The following WIPF1 variants were observed in gnomAD, a reference collection of about 807,000 sequenced individuals.
WIPF1 encodes the protein WAS/WASL interacting protein family member 1, also known as WAS/WASL-interacting protein family member 1.
Under a neutral mutation model 35.4 loss-of-function variants are expected in WIPF1, and 13 were observed. The ratio of observed to expected loss-of-function variants is 0.37; its 90% CI spans 0.24 to 0.58. WIPF1 has a LOEUF of 0.58. Ranked by LOEUF, WIPF1 falls within the 20% of genes least tolerant of loss-of-function variation. The probability of loss-of-function intolerance (pLI) is 0.74; values close to 1 mark genes in which losing one functional copy is unlikely to be tolerated. For missense variants in WIPF1, 591 were observed against 667.0 expected, an observed-to-expected ratio of 0.89 and a Z score of 1.25; for synonymous variants, 267 against 266.3, an observed-to-expected ratio of 1.00 and a Z score of -0.02.
At chr2:174,609,209 A>G (rs559614218) in intron 1 of WIPF1, among the ~76,000 whole-genome samples, 1 of 152,340 alleles carries the variant, frequency 6.6e-6, no homozygotes, top group East Asian at 1.9e-4. Flanking sequence ...CAGGACCTTC[A>G]AAGGTCCTGT....
At chr2:174,664,137 T>A (rs893487002) in intron 1 of WIPF1, among the ~76,000 whole-genome samples, 6 of 151,086 alleles carry the variant, frequency 4.0e-5, no homozygotes, top group Admixed American at 6.6e-5. Flanking sequence ...TCCCTCTCTC[T>A]CACACACACA....
Position 174,585,476 on chromosome 2 carries a change from T to C in WIPF1, c.51+47A>G, listed in dbSNP as rs758440811. On this transcript the variant is annotated intron_variant, in intron 2 of 7. Transcript: ENST00000679041. ...ACATGCACGCCAGGTTTTGGCTTCA[T>C]TTGGCTTGCTTTATGCATAGAAAGT... The C allele has an allele frequency of 8.8e-6, 14 of 1,598,616 alleles. No individual in the cohort carries two copies. The South Asian group carries it at 1.1e-4, about 13-fold the overall frequency.
chr2:174,575,284 C>G lies in WIPF1; in HGVS notation c.278G>C (p.Gly93Ala), dbSNP rs1167172958. ...TCCCAGACCTGGAGGTCCGCCCCCTCCAAAACTTCCACCGCCTCCGCCACC... is the reference window on the plus strand; with the variant it reads ...TCCCAGACCTGGAGGTCCGCCCCCTGCAAAACTTCCACCGCCTCCGCCACC... Reference protein sequence around the residue: ...GGGGGGGGSFGGGGPPGLGGL... With the variant: ...GGGGGGGGSFAGGGPPGLGGL... The change falls in exon 4 of 8, where the codon GGA becomes GCA. Residue 93 changes from glycine to alanine, a missense_variant. Physicochemically the swap from Gly to Ala is moderately conservative, Grantham distance 60. Around this residue, in one of 3 missense-constraint regions of WIPF1, gnomAD observed 471 missense variants for 501.1 expected, o/e 0.94. Coordinates refer to ENST00000679041, the MANE Select transcript of WIPF1 (RefSeq NM_001375834.1). The G allele has an allele frequency of 4.3e-6, 7 of 1,614,016 alleles. No individual in the cohort carries two copies. The highest frequency in any genetic ancestry group is 3.3e-5 in the Admixed American group (2 of 60,014).
chr2:174,572,995 G>A (rs185799206), intron 4 of WIPF1, among the ~76,000 whole-genome samples: 72 of 152,226 alleles, frequency 4.7e-4, no homozygotes, highest in African/African-American at 1.7e-3. Flanking sequence ...TAAGAAAAGA[G>A]TTATGACTGC....
At chr2:174,573,551 G>GA in intron 4 of WIPF1, among the ~76,000 whole-genome samples, 1 of 152,354 alleles carries the variant, frequency 6.6e-6, no homozygotes, top group Admixed American at 6.5e-5. Flanking sequence ...AGTGGCTGGG[G>GA]ACAGCTCTTC....
At chr2:174,621,399 C>T (rs534438999) in intron 1 of WIPF1, among the ~76,000 whole-genome samples, 6 of 152,114 alleles carry the variant, frequency 3.9e-5, no homozygotes, top group Admixed American at 1.3e-4. Flanking sequence ...ATCCAGAAAG[C>T]GAATGAAAAT....
chr2:174,562,598 T>C lies in WIPF1; in HGVS notation c.1461A>G (p.Gly487=), dbSNP rs1241588787. 1 of 1,614,124 alleles carries C rather than the reference T, an allele frequency of 6.2e-7. No homozygotes were observed. Among genetic ancestry groups the C allele is most frequent in the Non-Finnish European group, 8.5e-7 (1 of 1,180,014 alleles). ...GAGCACCCCTTTCTCTTCGGTTGGA[T>C]CCACCTTGGTGAAAAAACAGACAAA... ...SKLARNESRS[G]SNRRERGAPP... is the part of the protein sequence containing the mutation. Residue 487 remains glycine, a synonymous_variant, in exon 8 of 8, where the codon GGA becomes GGG. Coordinates refer to ENST00000679041, the MANE Select transcript of WIPF1 (RefSeq NM_001375834.1).
rs934262380 is a variant in WIPF1, at chr2:174,575,301, T to C, written c.261A>G (p.Gly87=). The change falls in exon 4 of 8, where the codon GGA becomes GGG. Residue 87 remains glycine (G), a synonymous_variant. Transcript: ENST00000679041. ...CGCCCCCTCCAAAACTTCCACCGCCTCCGCCACCACCTCCTCCGCCAAATC... is the reference window on the plus strand; with the variant it reads ...CGCCCCCTCCAAAACTTCCACCGCCCCCGCCACCACCTCCTCCGCCAAATC... ...GGGFGGGGGG[G]GGGSFGGGGP... 3 of 1,613,258 alleles carry C rather than the reference T, an allele frequency of 1.9e-6. No individual in the cohort carries two copies. The East Asian group carries it at 6.7e-5, about 36-fold the overall frequency.
In WIPF1 at chr2:174,675,973, G is replaced by C. The variant is rs866744577; in HGVS notation, c.-39+6801C>G. On this transcript the variant is annotated intron_variant, in intron 1 of 8. Transcript: ENST00000272746. ...TTTATTTATTTATTTTTGAGACAGA[G>C]TCTCACTCTATCACCCAGGCTGGAG... Among the ~76,000 whole-genome samples the C allele has an allele frequency of 1.4e-4, 21 of 148,166 alleles. No individual in the cohort carries two copies. The South Asian group carries it at 2.4e-3, about 17-fold the overall frequency.
intron 1 of WIPF1, among the ~76,000 whole-genome samples, chr2:174,662,750 G>C (rs1282248075): frequency 1.3e-5 from 2 of 152,158 alleles, no homozygotes; most frequent in Admixed American, 1.3e-4. Context: ...GGAGAACCCA[G>C]AAGCAAAACA....
At chr2:174,598,507 T>C (rs1379009877), upstream of WIPF1, among the ~76,000 whole-genome samples, 1 of 152,162 alleles carries the variant, frequency 6.6e-6, no homozygotes, top group Non-Finnish European at 1.5e-5. Context: ...TTGGTAGAGA[T>C]GGGATCTTGC....
intron 1 of WIPF1, among the ~76,000 whole-genome samples, chr2:174,604,332 T>C (rs1468044284): frequency 6.6e-6 from 1 of 152,242 alleles, no homozygotes. Context: ...CGCAGATTTG[T>C]ATAAAAGGCC....
intron 1 of WIPF1, among the ~76,000 whole-genome samples, chr2:174,637,546 G>C (rs1687208634): frequency 6.6e-6 from 1 of 152,176 alleles, no homozygotes; most frequent in African/African-American, 2.4e-5. Flanking sequence ...CCAGCACTTT[G>C]GGAGGCCTAG....
At chr2:174,635,374 G>A (rs1214048373) in intron 1 of WIPF1, among the ~76,000 whole-genome samples, 1 of 152,128 alleles carries the variant, frequency 6.6e-6, no homozygotes, top group Non-Finnish European at 1.5e-5. Context: ...GGGCTCTGAT[G>A]GTGGCCTGAC....
At chr2:174,595,547 A>G (rs1685795289) in intron 1 of WIPF1, among the ~76,000 whole-genome samples, 1 of 152,194 alleles carries the variant, frequency 6.6e-6, no homozygotes. Context: ...TTTTCAAAAA[A>G]TAAAATAAGC....
At chr2:174,660,872 G>T (rs1457315108) in intron 1 of WIPF1, among the ~76,000 whole-genome samples, 1 of 152,202 alleles carries the variant, frequency 6.6e-6, no homozygotes, top group African/African-American at 2.4e-5. Flanking sequence ...TAAAGCCTGG[G>T]ACAGAAAAAG....
At chr2:174,643,182 A>T (rs1687335676) in intron 1 of WIPF1, among the ~76,000 whole-genome samples, 1 of 149,198 alleles carries the variant, frequency 6.7e-6, no homozygotes, top group South Asian at 2.1e-4. Context: ...TTTGTGGTTG[A>T]GTATTTAATC....
At chr2:174,614,835 T>C (rs984546254) in intron 1 of WIPF1, among the ~76,000 whole-genome samples, 4 of 152,266 alleles carry the variant, frequency 2.6e-5, no homozygotes, top group Non-Finnish European at 5.9e-5. Context: ...TTCACTGCAA[T>C]GCTTTCCAAC....
chr2:174,561,845 G>A lies in WIPF1; in HGVS notation c.*702C>T, dbSNP rs890682367. ...GTGACTAGTCTGAATGGAGATGTGC[G>A]GTAAGTGTAAAATACACTCTGGATT... is the stretch of plus-strand genomic sequence containing the variant. On this transcript the variant is annotated 3_prime_UTR_variant, in exon 8 of 8. Coordinates refer to ENST00000679041, the MANE Select transcript of WIPF1 (RefSeq NM_001375834.1). 8.3e-6 allele frequency: 4 copies of A among 483,138 alleles called. No homozygotes were observed. Among genetic ancestry groups the A allele is most frequent in the East Asian group, 3.6e-5 (1 of 28,110 alleles). The allele number at this position is 483,138 out of a possible 1,614,324, so 29.9% of individuals were successfully genotyped here. A position where few individuals can be genotyped will look rare whatever the true frequency, so the allele number is the denominator to read the frequency against.
Sources: allele counts gnomAD v4.1 joint callset (sites outside exome capture counted in the v4.1 genomes callset), GRCh38; gene constraint gnomAD v4.1.1; regional missense constraint gnomAD v4.1.1; transcripts MANE v1.5; gene names NCBI Gene and HGNC (gene_info 2026-07-23, HGNC 2026-07-21).